Variants in RUBCN observed in about 807,000 individuals in gnomAD.
The protein encoded by RUBCN is run domain Beclin-1-interacting and cysteine-rich domain-containing protein.
Under a neutral mutation model 113.2 loss-of-function variants are expected in RUBCN, and 74 were observed. The observed-to-expected ratio is 0.65, with a 90% confidence interval of 0.54 to 0.79. The LOEUF is 0.79. Among genes scored for constraint, RUBCN ranks in the 30% least tolerant of loss-of-function variants. RUBCN has a pLI of 0.00. For missense variants in RUBCN, 1,109 were observed against 1,251.7 expected (o/e 0.89, Z 1.72); for synonymous variants, 480 against 490.0 (o/e 0.98, Z 0.27).
intron 2 of RUBCN, among the ~76,000 whole-genome samples, chr3:197,705,596 A>C (rs113006308): frequency 1.4e-5 from 2 of 143,448 alleles, no homozygotes; most frequent in African/African-American, 5.1e-5. Flanking sequence ...AAAAGGAATT[A>C]AAAAAAAAAA....
rs1262052921 is a variant in RUBCN, at chr3:197,700,886, A to C, written c.988T>G (p.Leu330Val). 8 of 1,614,036 alleles carry C rather than the reference A, an allele frequency of 5.0e-6. No homozygotes were observed. Among genetic ancestry groups the C allele is most frequent in the Non-Finnish European group, 6.8e-6 (8 of 1,180,028 alleles). Residue 330 changes from leucine to valine, a missense_variant, in exon 7 of 20, where the codon TTG becomes GTG. Leu to Val is a conservative substitution (Grantham distance 32, BLOSUM62 1). Around this residue, in one of 3 missense-constraint regions of RUBCN, gnomAD observed 736 missense variants for 779.6 expected, o/e 0.94. Transcript: ENST00000296343. ...CTGGCAGTCCGGCCTCGGGGGTCCA[A>C]GTTGCCAATGGCCAGGTACTCAGGC... ...EGPEYLAIGN[L>V]DPRGRTASCQ...
Position 197,675,279 on chromosome 3 carries a change from T to G in RUBCN, c.2741-83A>C. The G allele has an allele frequency of 6.4e-7, 1 of 1,570,614 alleles. No individual in the cohort carries two copies. Among genetic ancestry groups the G allele is most frequent in the Non-Finnish European group, 8.8e-7 (1 of 1,141,366 alleles). ...GAGGTCAGTTGCTGCCACAGCCCCTTCTCGCCACCAAGGCGTGGTGTCCCC... is the reference window on the plus strand; with the variant it reads ...GAGGTCAGTTGCTGCCACAGCCCCTGCTCGCCACCAAGGCGTGGTGTCCCC... On this transcript the variant is annotated intron_variant, in intron 19 of 19. Coordinates refer to ENST00000296343, the MANE Select transcript of RUBCN (RefSeq NM_014687.4). The surrounding 1 kb of genome is among the most constrained non-coding windows in gnomAD (Gnocchi z 4.4).
chr3:197,691,185 T>G, intron 11 of RUBCN: 1 of 1,049,646 alleles, frequency 9.5e-7, no homozygotes, highest in Non-Finnish European at 1.3e-6. Flanking sequence ...GCCCTTAGTA[T>G]TCCAGCAGGA....
chr3:197,710,169 C>CAA (rs201067302), intron 2 of RUBCN, among the ~76,000 whole-genome samples: 96 of 119,630 alleles, frequency 8.0e-4, no homozygotes, highest in African/African-American at 2.1e-3. Flanking sequence ...GACTCTGTCT[C>CAA]AAAAAAAAAA....
At chr3:197,737,053 C>T (rs1339352907), upstream of RUBCN, 1 of 666,646 alleles carries the variant, frequency 1.5e-6, no homozygotes, top group African/African-American at 2.0e-5. Context: ...CCCTCCAATC[C>T]CAGGCCGCTC....
At chr3:197,707,963 C>T (rs1375145553) in intron 2 of RUBCN, among the ~76,000 whole-genome samples, 1 of 134,268 alleles carries the variant, frequency 7.4e-6, no homozygotes, top group Non-Finnish European at 1.6e-5. Flanking sequence ...TACTCTGTCT[C>T]AAAAAAAAAA....
chr3:197,710,035 T>G (rs1724780477), intron 2 of RUBCN, among the ~76,000 whole-genome samples: 1 of 151,920 alleles, frequency 6.6e-6, no homozygotes, highest in East Asian at 2.0e-4. Flanking sequence ...CCAGGCGTGG[T>G]GGCATGCACC....
intron 1 of RUBCN, among the ~76,000 whole-genome samples, chr3:197,725,520 CTTTTTTTTTT>C (rs10718685): frequency 6.6e-5 from 5 of 75,334 alleles, no homozygotes; most frequent in East Asian, 4.4e-4. Flanking sequence ...ACAGGAGAAT[CTTTTTTTTTT>C]TTTTTTTTTT....
At chr3:197,690,206 G>A (rs1193319731) in intron 11 of RUBCN, among the ~76,000 whole-genome samples, 1 of 152,202 alleles carries the variant, frequency 6.6e-6, no homozygotes, top group Non-Finnish European at 1.5e-5. Flanking sequence ...TTGGGAGGCC[G>A]AGGCAGGCAG....
At chr3:197,728,537 G>A (rs997653903) in intron 1 of RUBCN, among the ~76,000 whole-genome samples, 7 of 152,194 alleles carry the variant, frequency 4.6e-5, no homozygotes, top group African/African-American at 1.7e-4. Context: ...CGAAGAAAGT[G>A]GCACTTCCAA....
intron 11 of RUBCN, chr3:197,691,282 T>A: frequency 2.2e-6 from 1 of 451,024 alleles, no homozygotes; most frequent in Non-Finnish European, 4.2e-6. Flanking sequence ...GGAACTTGCA[T>A]CCTTGGGTAG....
chr3:197,680,880 TAAGA>T (rs1428181646), intron 16 of RUBCN, among the ~76,000 whole-genome samples: 1 of 151,580 alleles, frequency 6.6e-6, no homozygotes, highest in East Asian at 1.9e-4. Context: ...GGGAAGAGAT[TAAGA>T]AAGTACATAG....
At chr3:197,708,772 C>T (rs1205479150) in intron 2 of RUBCN, among the ~76,000 whole-genome samples, 1 of 152,036 alleles carries the variant, frequency 6.6e-6, no homozygotes. Flanking sequence ...GTTATAATTT[C>T]ACATTTAAAG....
chr3:197,692,561 G>A (rs746016315), intron 11 of RUBCN, among the ~76,000 whole-genome samples: 1 of 151,934 alleles, frequency 6.6e-6, no homozygotes. Context: ...TGCAGGATCC[G>A]TGCTAACTCC....
intron 2 of RUBCN, among the ~76,000 whole-genome samples, chr3:197,709,140 T>C (rs562347461): frequency 2.0e-5 from 3 of 152,334 alleles, no homozygotes; most frequent in African/African-American, 7.2e-5. Flanking sequence ...AAATAAAATG[T>C]TTGAGTTACA....
intron 9 of RUBCN, among the ~76,000 whole-genome samples, chr3:197,695,657 A>C (rs1580229677): frequency 6.6e-6 from 1 of 152,204 alleles, no homozygotes; most frequent in East Asian, 1.9e-4. Flanking sequence ...GTTGGCTTCT[A>C]AGATAAAATC....
At chr3:197,676,377 G>C in intron 18 of RUBCN, 5 of 979,180 alleles carry the variant, frequency 5.1e-6, no homozygotes, top group South Asian at 3.9e-5. Context: ...GCAGTGGCAT[G>C]ATCTCGGCTC....
chr3:197,689,181 C>T (rs532833267), intron 11 of RUBCN, among the ~76,000 whole-genome samples: 1 of 152,056 alleles, frequency 6.6e-6, no homozygotes, highest in Non-Finnish European at 1.5e-5. Context: ...CGCACCACCA[C>T]ACACAGCTAA....
intron 2 of RUBCN, among the ~76,000 whole-genome samples, chr3:197,707,467 G>A (rs1410270305): frequency 6.6e-6 from 1 of 152,108 alleles, no homozygotes; most frequent in Non-Finnish European, 1.5e-5. Flanking sequence ...AAATATTGTT[G>A]AGAAAATTGG....
Sources: allele counts gnomAD v4.1 joint callset (sites outside exome capture counted in the v4.1 genomes callset), GRCh38; gene constraint gnomAD v4.1.1; regional missense constraint gnomAD v4.1.1; non-coding constraint Gnocchi (gnomAD v3.1); transcripts MANE v1.5; gene names NCBI Gene and HGNC (gene_info 2026-07-23, HGNC 2026-07-21).